The following LMBRD1 variants were observed in gnomAD, a reference collection of about 807,000 sequenced individuals.
LMBRD1 encodes LMBR1 domain containing 1, also known as lysosomal cobalamin transport escort protein LMBD1.
A neutral mutation model predicts 74.8 loss-of-function variants in LMBRD1; 64 were observed. The ratio of observed to expected loss-of-function variants is 0.86; its 90% CI spans 0.70 to 1.05. The LOEUF (loss-of-function observed/expected upper bound fraction) is 1.05. Among genes scored for constraint, LMBRD1 ranks in the 50% least tolerant of loss-of-function variants. The pLI is 0.00. For synonymous variants in LMBRD1, 204 were observed against 216.3 expected (o/e 0.94, Z 0.50); for missense variants, 652 against 645.9 (o/e 1.01, Z -0.10).
chr6:69,790,635 A>C (rs1766060317), intron 1 of LMBRD1, 163 bp from the exon 2 acceptor site: 13 of 672,636 alleles, frequency 1.9e-5, no homozygotes, highest in Non-Finnish European at 3.1e-5. Context: ...AAGATGTATA[A>C]TTTTCAAAGC....
intron 14 of LMBRD1, among the ~76,000 whole-genome samples, chr6:69,689,813 G>T (rs75609049): frequency 3.5e-3 from 526 of 152,074 alleles, no homozygotes; most frequent in African/African-American, 0.012. Context: ...ACTTTATTAT[G>T]AATTGTTAAA....
At chr6:69,765,692 T>C (rs565838557) in intron 3 of LMBRD1, among the ~76,000 whole-genome samples, 61 of 152,310 alleles carry the variant, frequency 4.0e-4, no homozygotes, top group Non-Finnish European at 7.9e-4. Flanking sequence ...ATTCAACTTA[T>C]AGGTCAGTTT....
chr6:69,710,020 A>C (rs1766349355), intron 9 of LMBRD1, among the ~76,000 whole-genome samples: 1 of 152,212 alleles, frequency 6.6e-6, no homozygotes, highest in Non-Finnish European at 1.5e-5. Context: ...TTGATTCTTA[A>C]ATTTATATGA....
chr6:69,718,839 C>G, intron 8 of LMBRD1, 117 bp downstream of exon 8: 1 of 1,074,094 alleles, frequency 9.3e-7, no homozygotes, highest in East Asian at 2.5e-5. Context: ...AGATATGCTG[C>G]AAAAAATTCA....
intron 1 of LMBRD1, among the ~76,000 whole-genome samples, chr6:69,792,604 T>C (rs1294283641): frequency 6.6e-6 from 1 of 152,202 alleles, no homozygotes. Context: ...ATTCTTGATT[T>C]TGGGAAATTT....
chr6:69,726,629 A>T (rs759248675), intron 7 of LMBRD1, among the ~76,000 whole-genome samples: 2 of 152,230 alleles, frequency 1.3e-5, no homozygotes, highest in Non-Finnish European at 2.9e-5. Flanking sequence ...CTAGGCACAG[A>T]AAGACAAACA....
intron 7 of LMBRD1, among the ~76,000 whole-genome samples, 157 bp downstream of exon 7, chr6:69,737,781 CTAAG>C (rs1767007342): frequency 1.3e-5 from 2 of 150,824 alleles, no homozygotes; most frequent in South Asian, 4.2e-4. Context: ...ATGATGATGG[CTAAG>C]TAGTTAAAAT....
At chr6:69,709,253 G>T (rs1043052409) in intron 9 of LMBRD1, among the ~76,000 whole-genome samples, 8 of 150,588 alleles carry the variant, frequency 5.3e-5, no homozygotes, top group Non-Finnish European at 1.0e-4. Flanking sequence ...AAAAAGAAAA[G>T]AAACATTAAT....
intron 14 of LMBRD1, among the ~76,000 whole-genome samples, chr6:69,685,796 T>A (rs767848260): frequency 3.9e-5 from 6 of 152,070 alleles, no homozygotes; most frequent in Non-Finnish European, 2.9e-5. Context: ...CGAGGCTCCG[T>A]CTCAAAAACA....
At position 69,796,963 on chromosome 6, in the gene LMBRD1, G is replaced by A. The variant is rs1766250871; in HGVS notation, c.-82C>T. 1.7e-6 allele frequency: 2 copies of A among 1,159,946 alleles called. No individual in the cohort carries two copies. The highest frequency in any genetic ancestry group is 1.5e-5 in the African/African-American group (1 of 66,046). The allele number at this position is 1,159,946 out of a possible 1,614,324, so 71.9% of individuals were successfully genotyped here. A position where few individuals can be genotyped will look rare whatever the true frequency, so the allele number is the denominator to read the frequency against. ...AAGGGGAGAGAGCGCGAGATATACT[G>A]CACCCGCGCACCCTAAAGGTTAAAG... On this transcript the variant is annotated 5_prime_UTR_variant, in exon 1 of 16. Transcript: ENST00000649934.
intron 1 of LMBRD1, 34 bp from the exon 2 acceptor site, chr6:69,790,506 C>A (rs760511858): frequency 6.3e-7 from 1 of 1,589,228 alleles, no homozygotes; most frequent in South Asian, 1.1e-5. Flanking sequence ...TTTGTTACTA[C>A]CCAGTGTATT....
At chr6:69,792,248 G>A (rs1407313101) in intron 1 of LMBRD1, among the ~76,000 whole-genome samples, 2 of 152,066 alleles carry the variant, frequency 1.3e-5, no homozygotes, top group African/African-American at 4.8e-5. Context: ...GCCCTTTAAT[G>A]TCTTCTCATG....
At chr6:69,756,125 C>A (rs1317421592) in intron 3 of LMBRD1, among the ~76,000 whole-genome samples, 1 of 152,116 alleles carries the variant, frequency 6.6e-6, no homozygotes, top group Non-Finnish European at 1.5e-5. Flanking sequence ...CTTTGGGAAG[C>A]CGAGGCAGGC....
chr6:69,692,413 C>G (rs1323852720), intron 14 of LMBRD1, among the ~76,000 whole-genome samples: 1 of 151,962 alleles, frequency 6.6e-6, no homozygotes, highest in East Asian at 1.9e-4. Flanking sequence ...TAAGACAACA[C>G]AAGTTTACAA....
At chr6:69,698,254 T>G (rs1270005730) in intron 13 of LMBRD1, among the ~76,000 whole-genome samples, 1 of 151,936 alleles carries the variant, frequency 6.6e-6, no homozygotes, top group Non-Finnish European at 1.5e-5. Flanking sequence ...TGATTGAGGG[T>G]TGATAGGTTC....
At chr6:69,732,611 T>C (rs541703543) in intron 7 of LMBRD1, among the ~76,000 whole-genome samples, 1 of 152,348 alleles carries the variant, frequency 6.6e-6, no homozygotes, top group African/African-American at 2.4e-5. Flanking sequence ...TCTTTATCAC[T>C]TTAATGTTCT....
chr6:69,708,303 T>C (rs1012212450), intron 9 of LMBRD1, among the ~76,000 whole-genome samples: 19 of 152,286 alleles, frequency 1.2e-4, no homozygotes, highest in Non-Finnish European at 2.4e-4. Context: ...ACAAAACTAA[T>C]CTCCCTTCAT....
intron 9 of LMBRD1, among the ~76,000 whole-genome samples, chr6:69,707,449 A>G (rs959436216): frequency 6.6e-6 from 1 of 152,098 alleles, no homozygotes; most frequent in African/African-American, 2.4e-5. Context: ...TCTACCATAA[A>G]ATGTGTCCTT....
At position 69,676,134 on chromosome 6, in the gene LMBRD1, T is replaced by C. The variant is rs780025532; in HGVS notation, c.*24A>G. 6.4e-7 allele frequency: 1 copy of C among 1,563,988 alleles called. No homozygotes were observed. The highest frequency in any genetic ancestry group is 8.8e-7 in the Non-Finnish European group (1 of 1,134,834). ...CATAACAGATATTCAGTCAGCATTA[T>C]AAAACCTTTAAGACAGAAGGCTGTC... On this transcript the variant is annotated 3_prime_UTR_variant, in exon 16 of 16. Transcript: ENST00000649934.
Sources: gnomAD v4.1 joint callset for allele counts (sites outside exome capture counted in the v4.1 genomes callset) on GRCh38, gnomAD v4.1.1 for gene constraint, MANE v1.5 for transcripts, NCBI Gene and HGNC (gene_info 2026-07-23, HGNC 2026-07-21) for gene names.